The following IGSF21 variants were observed in gnomAD, a reference collection of about 807,000 sequenced individuals.
IGSF21 encodes immunoglobin superfamily member 21.
In IGSF21, 28 loss-of-function variants were observed where a neutral mutation model predicts 46.8. The observed-to-expected ratio is 0.60, with a 90% CI of 0.44 to 0.82. The LOEUF is 0.82. IGSF21 is among the 40% of genes least tolerant of loss of function. The pLI, the probability that IGSF21 is intolerant of heterozygous loss-of-function variation, is 0.00. For missense variants in IGSF21, 624 were observed against 665.5 expected (o/e 0.94, Z 0.69); for synonymous variants, 284 against 273.6 (o/e 1.04, Z -0.38).
intron 2 of IGSF21, among the ~76,000 whole-genome samples, chr1:18,291,338 T>A (rs1253768429): frequency 2.0e-5 from 3 of 152,200 alleles, no homozygotes; most frequent in East Asian, 1.9e-4. Context: ...GCATCGCCCG[T>A]GCCGGGATGT....
chr1:18,243,648 C>T (rs1557603890), intron 2 of IGSF21, among the ~76,000 whole-genome samples: 1 of 152,202 alleles, frequency 6.6e-6, no homozygotes, highest in Admixed American at 6.5e-5. Context: ...GGAGGCACCA[C>T]CCGGTCTGGC....
chr1:18,217,891 G>C (rs1369123450), intron 1 of IGSF21, among the ~76,000 whole-genome samples: 1 of 152,172 alleles, frequency 6.6e-6, no homozygotes, highest in African/African-American at 2.4e-5. Context: ...TATCCGACAG[G>C]GTTGCAATGG....
At chr1:18,227,399 TGAGC>T (rs2084578772) in intron 1 of IGSF21, among the ~76,000 whole-genome samples, 1 of 152,032 alleles carries the variant, frequency 6.6e-6, no homozygotes, top group Non-Finnish European at 1.5e-5. Context: ...AAGGGGTGGC[TGAGC>T]GACCCATATT....
intron 1 of IGSF21, among the ~76,000 whole-genome samples, chr1:18,162,192 C>T (rs1381132743): frequency 1.3e-5 from 2 of 152,200 alleles, no homozygotes; most frequent in South Asian, 2.1e-4. Context: ...ACTACAGGCA[C>T]GTGCCACCAC....
chr1:18,333,790 G>C (rs1290080608), intron 3 of IGSF21, among the ~76,000 whole-genome samples: 1 of 152,162 alleles, frequency 6.6e-6, no homozygotes, highest in Non-Finnish European at 1.5e-5. Flanking sequence ...GAAAGATCCA[G>C]AACAGGAGCC....
chr1:18,250,466 T>C (rs1162802930), intron 2 of IGSF21, among the ~76,000 whole-genome samples: 1 of 152,212 alleles, frequency 6.6e-6, no homozygotes, highest in Admixed American at 6.5e-5. Context: ...GTGTTCACTG[T>C]GCAGTGTGTC....
intron 4 of IGSF21, among the ~76,000 whole-genome samples, chr1:18,345,212 T>TA (rs1375203677): frequency 6.6e-6 from 1 of 152,172 alleles, no homozygotes; most frequent in African/African-American, 2.4e-5. Flanking sequence ...AGGTGGAGGC[T>TA]AGATAATCCC....
At chr1:18,138,690 C>T (rs2086388320) in intron 1 of IGSF21, among the ~76,000 whole-genome samples, 1 of 152,134 alleles carries the variant, frequency 6.6e-6, no homozygotes. Flanking sequence ...GTGACCTGCC[C>T]CACACATGGG....
chr1:18,183,999 G>T (rs183422347), intron 1 of IGSF21, among the ~76,000 whole-genome samples: 2 of 152,068 alleles, frequency 1.3e-5, no homozygotes, highest in African/African-American at 4.8e-5. Context: ...GGTATTTGCC[G>T]AACACCAGTT....
intron 1 of IGSF21, chr1:18,111,073 C>T (rs1162860430): frequency 6.6e-6 from 1 of 152,318 alleles, no homozygotes; most frequent in Non-Finnish European, 1.5e-5. Context: ...GCCGCAACCG[C>T]AACGCCGAGA....
intron 6 of IGSF21, among the ~76,000 whole-genome samples, chr1:18,374,767 C>T (rs2086263668): frequency 6.6e-6 from 1 of 152,190 alleles, no homozygotes; most frequent in Admixed American, 6.5e-5. Context: ...GTTCTAAGAG[C>T]TTTGCGTCAG....
At chr1:18,339,503 G>C (rs1207914074) in intron 4 of IGSF21, among the ~76,000 whole-genome samples, 1 of 152,178 alleles carries the variant, frequency 6.6e-6, no homozygotes, top group Non-Finnish European at 1.5e-5. Flanking sequence ...AGGCTGAGGT[G>C]GGTGGATCTC....
rs112937050 is a variant in IGSF21, at chr1:18,322,500, C to T, written c.306-12392C>T. On this transcript the variant is annotated intron_variant, in intron 3 of 9. Coordinates refer to ENST00000251296, the MANE Select transcript of IGSF21 (RefSeq NM_032880.5). This position sits in a 1 kb window ranked among gnomAD's most constrained non-coding sequence, Gnocchi z 4.3. ...GCAATCACGAACGATAGGAAGGAGGCGGCGAGCTCAGCCACGGGCCCAGCC... is the reference window on the plus strand; with the variant it reads ...GCAATCACGAACGATAGGAAGGAGGTGGCGAGCTCAGCCACGGGCCCAGCC... Among the ~76,000 whole-genome samples, 436 of 152,206 alleles carry T rather than the reference C, an allele frequency of 2.9e-3. 4 individuals are homozygous for T. Among genetic ancestry groups the T allele is most frequent in the African/African-American group, 1.0e-2 (415 of 41,528 alleles).
chr1:18,267,646 C>T (rs2085002580), intron 2 of IGSF21, among the ~76,000 whole-genome samples: 1 of 152,212 alleles, frequency 6.6e-6, no homozygotes. Context: ...TGCGGCTGGA[C>T]CTGGGACTTT....
rs755600204 is a variant in IGSF21, at chr1:18,322,872, C to A, written c.306-12020C>A. 6.6e-6 allele frequency among the ~76,000 whole-genome samples: 1 copy of A among 151,990 alleles called. No individual in the cohort carries two copies. Among genetic ancestry groups the A allele is most frequent in the East Asian group, 1.9e-4 (1 of 5,172 alleles). On this transcript the variant is annotated intron_variant, in intron 3 of 9. Transcript: ENST00000251296. The surrounding 1 kb of genome is among the most constrained non-coding windows in gnomAD (Gnocchi z 4.3). ...GCCGGTGGAGAAGAGCGGGAGATGT[C>A]GGAATGGGTGAAGGGGAGCGGGAAG...
At chr1:18,249,142 T>G (rs1240820333) in intron 2 of IGSF21, among the ~76,000 whole-genome samples, 1 of 152,160 alleles carries the variant, frequency 6.6e-6, no homozygotes, top group African/African-American at 2.4e-5. Context: ...GTATTCACCT[T>G]GGTGAGATGC....
At chr1:18,287,608 T>A (rs10752434) in intron 2 of IGSF21, among the ~76,000 whole-genome samples, 108,178 of 152,146 alleles carry the variant, frequency 0.71, 42,252 homozygotes, top group East Asian at 0.97. Flanking sequence ...CTTGTCTGCC[T>A]TGTCACCTCT....
intron 2 of IGSF21, among the ~76,000 whole-genome samples, chr1:18,287,136 G>A (rs929523280): frequency 1.4e-4 from 21 of 148,622 alleles, no homozygotes; most frequent in Admixed American, 2.7e-4. Flanking sequence ...AGCCGAGATC[G>A]CGCCACTGCA....
intron 1 of IGSF21, chr1:18,114,441 T>A (rs35259924): frequency 0.23 from 34,258 of 152,184 alleles, 4,197 homozygotes; most frequent in Non-Finnish European, 0.29. Flanking sequence ...TGAAAAAGAC[T>A]GAGCATGTGG....
Sources: gnomAD v4.1 joint callset for allele counts (sites outside exome capture counted in the v4.1 genomes callset) on GRCh38, gnomAD v4.1.1 for gene constraint, Gnocchi (gnomAD v3.1) non-coding constraint, MANE v1.5 for transcripts, NCBI Gene and HGNC (gene_info 2026-07-23, HGNC 2026-07-21) for gene names.